Variants in MAPKBP1 observed in about 807,000 individuals in gnomAD.
MAPKBP1 encodes the protein mitogen-activated protein kinase-binding protein 1.
A neutral mutation model predicts 170.5 loss-of-function variants in MAPKBP1; 71 were observed. The ratio of observed to expected loss-of-function variants is 0.42; its 90% CI spans 0.34 to 0.51. MAPKBP1 has a LOEUF of 0.51. Ranked by LOEUF, MAPKBP1 falls within the 20% of genes least tolerant of loss-of-function variation. The pLI is 0.06. For missense variants in MAPKBP1, 1,598 were observed against 1,933.0 expected, an observed-to-expected ratio of 0.83 and a Z score of 3.25; for synonymous variants, 719 against 757.9, an observed-to-expected ratio of 0.95 and a Z score of 0.84.
chr15:41,807,922 C>T (rs900570765), intron 3 of MAPKBP1, among the ~76,000 whole-genome samples: 2 of 151,396 alleles, frequency 1.3e-5, no homozygotes, highest in African/African-American at 2.4e-5. Context: ...GCCTGTAATC[C>T]CAGCTACTGG....
At chr15:41,779,399 C>T (rs889574068) in intron 2 of MAPKBP1, among the ~76,000 whole-genome samples, 24 of 152,004 alleles carry the variant, frequency 1.6e-4, no homozygotes, top group Admixed American at 7.2e-4. Context: ...TTAGTAGAAA[C>T]GGTGTTTCAC....
chr15:41,811,888 GA>G, intron 5 of MAPKBP1, 68 bp from the exon 6 acceptor site: 3 of 1,550,506 alleles, frequency 1.9e-6, no homozygotes, highest in Non-Finnish European at 2.7e-6. Context: ...CCCCGCTCTG[GA>G]AGACGAAGTG....
chr15:41,822,391 C>G lies in MAPKBP1; in HGVS notation c.3198C>G (p.His1066Gln), dbSNP rs755310456. 1.9e-6 allele frequency: 3 copies of G among 1,614,118 alleles called. No homozygotes were observed. Among genetic ancestry groups the G allele is most frequent in the Non-Finnish European group, 2.5e-6 (3 of 1,180,004 alleles). ...TPDQEQFLKQ[H>Q]FETLASGAAP... ...ACCAGGAGCAGTTTCTAAAACAGCA[C>G]TTTGAGACTCTGGCCAGTGGAGCTG... Residue 1066 changes from histidine to glutamine, a missense_variant, in exon 26 of 31, where the codon CAC (histidine) becomes CAG (glutamine). Coordinates refer to ENST00000457542, the MANE Select transcript of MAPKBP1 (RefSeq NM_014994.3).
intron 21 of MAPKBP1, 48 bp from the exon 22 acceptor site, chr15:41,819,547 C>CGGGGGGGGGGGGGGGGGGGGG (rs3034893): frequency 7.3e-6 from 9 of 1,235,810 alleles, no homozygotes; most frequent in African/African-American, 1.8e-5. Context: ...GGTTGGGTGG[C>CGGGGGGGGGGGGGGGGGGGGG]GGGGGGGGGG....
intron 30 of MAPKBP1, chr15:41,824,964 C>T: frequency 2.0e-6 from 1 of 493,134 alleles, no homozygotes; most frequent in Admixed American, 3.7e-5. Context: ...AAAGCAGATT[C>T]TGCCGGAGTT....
At chr15:41,802,361 CCTAA>C (rs1420762266) in intron 3 of MAPKBP1, among the ~76,000 whole-genome samples, 1 of 152,126 alleles carries the variant, frequency 6.6e-6, no homozygotes. Flanking sequence ...AATAGATTAA[CCTAA>C]CTTACTGTAA....
chr15:41,814,846 C>T, intron 10 of MAPKBP1, 107 bp downstream of exon 10: 1 of 1,365,838 alleles, frequency 7.3e-7, no homozygotes, highest in Non-Finnish European at 1.0e-6. Context: ...CCTGCTGCCT[C>T]CCTGTTTCTC....
At chr15:41,812,378 C>T (rs1258749943) in intron 6 of MAPKBP1, 138 bp from the exon 7 acceptor site, 2 of 1,279,294 alleles carry the variant, frequency 1.6e-6, no homozygotes, top group African/African-American at 2.9e-5. Flanking sequence ...ATTTCCCTAC[C>T]CCTCTTTTTC....
At chr15:41,793,711 A>G (rs1032349548) in intron 2 of MAPKBP1, among the ~76,000 whole-genome samples, 10 of 152,126 alleles carry the variant, frequency 6.6e-5, no homozygotes, top group Admixed American at 4.6e-4. Flanking sequence ...CTTGATAACA[A>G]ACCACCTCAA....
chr15:41,784,780 CA>C (rs35050206), intron 2 of MAPKBP1, among the ~76,000 whole-genome samples: 50 of 94,830 alleles, frequency 5.3e-4, no homozygotes, highest in African/African-American at 8.3e-4. Flanking sequence ...GACTCCGTCT[CA>C]AAAAAAAAAA....
In MAPKBP1 at chr15:41,824,337, T is replaced by C. The variant is rs1567158207; in HGVS notation, c.4214-147T>C. On this transcript the variant is annotated intron_variant, in intron 29 of 30. Coordinates refer to ENST00000457542, the MANE Select transcript of MAPKBP1 (RefSeq NM_014994.3). ...TGTTTGTGTGGTGTTGGGGAGGCCG[T>C]TGGAAGAGAAGCCAAGAGGAAGGGA... 4 of 822,296 alleles carry C rather than the reference T, an allele frequency of 4.9e-6. No homozygotes were observed. The South Asian group carries it at 5.4e-5, about 11-fold the overall frequency. 50.9% of individuals were successfully genotyped at this position (822,296 alleles called of 1,614,324 possible). A position where few individuals can be genotyped will look rare whatever the true frequency, so the allele number is the denominator to read the frequency against.
rs1440140197 is a variant in MAPKBP1 at position 41,825,645 on chromosome 15, G to A, written c.*209G>A. The A allele has an allele frequency of 4.0e-6, 2 of 503,610 alleles. No individual in the cohort carries two copies. Among genetic ancestry groups the A allele is most frequent in the East Asian group, 3.4e-5 (1 of 29,768 alleles). The allele number at this position is 503,610 out of a possible 1,614,324, so 31.2% of individuals were successfully genotyped here. ...GTTGCCTCACTTCCTTGGAACTCCT[G>A]CCTCCACAGCCCCTCCAGTGGCAGG... On this transcript the variant is annotated 3_prime_UTR_variant, in exon 31 of 31. Coordinates refer to ENST00000457542, the MANE Select transcript of MAPKBP1 (RefSeq NM_014994.3).
chr15:41,808,437 G>A (rs2064743298), intron 3 of MAPKBP1, among the ~76,000 whole-genome samples: 1 of 151,206 alleles, frequency 6.6e-6, no homozygotes, highest in Admixed American at 6.6e-5. Flanking sequence ...GCTCAAGAGC[G>A]ATGGGGTGCA....
chr15:41,809,285 A>C (rs554505336), intron 3 of MAPKBP1, among the ~76,000 whole-genome samples: 31 of 152,130 alleles, frequency 2.0e-4, no homozygotes, highest in African/African-American at 7.0e-4. Context: ...GGAAAAAAAA[A>C]CAGGAAGAGT....
At position 41,817,004 on chromosome 15, in the gene MAPKBP1, C is replaced by T; in HGVS notation, c.1680C>T (p.His560=). ...GCCTACAGCAGACGCTGGACGAACA[C>T]TCATCCTCCATCACTGCTGTTAAGT... The part of the protein sequence containing the change: ...EYSLQQTLDE[H]SSSITAVKFA... The change falls in exon 14 of 31, where the codon CAC becomes CAT. Residue 560 remains histidine, a synonymous_variant. Transcript: ENST00000457542. This position sits in a 1 kb window ranked among gnomAD's most constrained non-coding sequence, Gnocchi z 4.2. The T allele has an allele frequency of 6.2e-7, 1 of 1,607,096 alleles. No homozygotes were observed. The highest frequency in any genetic ancestry group is 8.5e-7 in the Non-Finnish European group (1 of 1,174,948).
rs745340429 is a variant in MAPKBP1 at position 41,823,788 on chromosome 15, C to T, written c.3940C>T (p.Arg1314Trp). ...TGCATTCTCTCCTGTCACCAAAGGC[C>T]GGGCCCCTGGCGAGGCAGAAAAGCC... ...LAAFSPVTKG[R>W]APGEAEKPGF... Residue 1314 changes from arginine (R) to tryptophan (W), a missense_variant, in exon 29 of 31, where the codon CGG becomes TGG. Around this residue, in one of 6 missense-constraint regions of MAPKBP1, gnomAD observed 942 missense variants for 953.2 expected, o/e 0.99. Coordinates refer to ENST00000457542, the MANE Select transcript of MAPKBP1 (RefSeq NM_014994.3). 25 of 1,614,136 alleles carry T rather than the reference C, an allele frequency of 1.5e-5. No individual in the cohort carries two copies. In the East Asian group the frequency reaches 1.6e-4, roughly 10 times the overall value.
chr15:41,777,251 G>C (rs1182466642), intron 2 of MAPKBP1, among the ~76,000 whole-genome samples: 1 of 151,650 alleles, frequency 6.6e-6, no homozygotes, highest in African/African-American at 2.4e-5. Context: ...TGAGGCAGGA[G>C]ACTCGCCTGA....
intron 21 of MAPKBP1, 104 bp downstream of exon 21, chr15:41,819,483 C>T: frequency 6.3e-7 from 1 of 1,575,130 alleles, no homozygotes; most frequent in Non-Finnish European, 8.6e-7. Flanking sequence ...GCTGAGGAAA[C>T]TGAGGCATCA....
chr15:41,819,055 C>G (rs2064941445), intron 20 of MAPKBP1, 98 bp downstream of exon 20: 1 of 1,551,690 alleles, frequency 6.4e-7, no homozygotes, highest in African/African-American at 1.4e-5. Context: ...CATTCAGCAA[C>G]TCTGTCTCCC....
Sources: gnomAD v4.1 joint callset for allele counts (sites outside exome capture counted in the v4.1 genomes callset) on GRCh38, gnomAD v4.1.1 for gene constraint, gnomAD v4.1.1 regional missense constraint, Gnocchi (gnomAD v3.1) non-coding constraint, MANE v1.5 for transcripts, NCBI Gene and HGNC (gene_info 2026-07-23, HGNC 2026-07-21) for gene names.